Variants in POU6F2 observed in about 807,000 individuals in gnomAD.
The protein encoded by POU6F2 is POU class 6 homeobox 2, also known as POU domain, class 6, transcription factor 2.
POU6F2 carries 31 observed loss-of-function variants against 71.3 expected under a neutral mutation model. The observed-to-expected ratio is 0.43, with a 90% confidence interval of 0.33 to 0.59. POU6F2 has a LOEUF of 0.59. POU6F2 is among the 20% of genes least tolerant of loss of function. The pLI is 0.04. For synonymous variants in POU6F2, 347 were observed against 355.7 expected, an observed-to-expected ratio of 0.98 and a Z score of 0.27; for missense variants, 783 against 856.8, an observed-to-expected ratio of 0.91 and a Z score of 1.07.
intron 2 of POU6F2, among the ~76,000 whole-genome samples, chr7:39,191,345 T>C (rs949497598): frequency 6.6e-6 from 1 of 152,180 alleles, no homozygotes; most frequent in Non-Finnish European, 1.5e-5. Flanking sequence ...ATTGGATACT[T>C]TTTTTTATTA....
intron 1 of POU6F2, among the ~76,000 whole-genome samples, chr7:39,041,805 G>C (rs1002746053): frequency 1.3e-5 from 2 of 151,818 alleles, no homozygotes; most frequent in Non-Finnish European, 2.9e-5. Flanking sequence ...GACATTATTA[G>C]ATGATATCTT....
chr7:39,188,048 A>G (rs1793582359), intron 2 of POU6F2, among the ~76,000 whole-genome samples: 1 of 152,192 alleles, frequency 6.6e-6, no homozygotes, highest in African/African-American at 2.4e-5. Context: ...TTGTATGTCA[A>G]TGTCACTTGT....
chr7:39,346,691 G>T (rs1241034688), intron 5 of POU6F2, among the ~76,000 whole-genome samples: 1 of 152,306 alleles, frequency 6.6e-6, no homozygotes, highest in South Asian at 2.1e-4. Context: ...TATGCCGGCT[G>T]GCACTTTGCT....
intron 1 of POU6F2, among the ~76,000 whole-genome samples, chr7:39,068,417 T>C (rs1790804619): frequency 6.6e-6 from 1 of 151,716 alleles, no homozygotes; most frequent in Non-Finnish European, 1.5e-5. Context: ...AGCAGGATGC[T>C]AACTTGTACA....
chr7:39,234,381 G>A, intron 4 of POU6F2, among the ~76,000 whole-genome samples: 1 of 152,070 alleles, frequency 6.6e-6, no homozygotes, highest in South Asian at 2.1e-4. Flanking sequence ...CGGTAGACAT[G>A]GTGCCTCCTG....
At chr7:39,222,855 T>C (rs189368322) in intron 4 of POU6F2, among the ~76,000 whole-genome samples, 1 of 152,362 alleles carries the variant, frequency 6.6e-6, no homozygotes, top group Non-Finnish European at 1.5e-5. Flanking sequence ...GCTACAAACA[T>C]GGGTGTAGAA....
At chr7:39,105,909 T>C (rs1791674525) in intron 2 of POU6F2, among the ~76,000 whole-genome samples, 1 of 152,154 alleles carries the variant, frequency 6.6e-6, no homozygotes, top group Admixed American at 6.5e-5. Flanking sequence ...GATGCCAGCC[T>C]TCACACACAG....
chr7:39,016,115 A>C (rs1469255663), intron 1 of POU6F2, among the ~76,000 whole-genome samples: 1 of 115,704 alleles, frequency 8.6e-6, no homozygotes, highest in Non-Finnish European at 1.7e-5. Flanking sequence ...TCTATATTAT[A>C]TATTATATCT....
At chr7:38,979,687 G>A (rs1053403066) in intron 1 of POU6F2, among the ~76,000 whole-genome samples, 1 of 152,080 alleles carries the variant, frequency 6.6e-6, no homozygotes, top group Admixed American at 6.5e-5. Context: ...TACAATAGAT[G>A]ACTTTTGCAT....
At position 39,204,291 on chromosome 7, in the gene POU6F2, A is replaced by G. The variant is rs774668779; in HGVS notation, c.334A>G (p.Ser112Gly). The G allele has an allele frequency of 6.2e-7, 1 of 1,613,896 alleles. No individual in the cohort carries two copies. The highest frequency in any genetic ancestry group is 1.1e-5 in the South Asian group (1 of 91,064). The change falls in exon 3 of 10, where the codon AGT (serine) becomes GGT (glycine). Residue 112 changes from serine (S) to glycine (G), a missense_variant. Ser to Gly is a moderately conservative substitution (Grantham distance 56). This residue lies in a region of POU6F2 where 572 missense variants were observed against 572.9 expected (regional missense o/e 1.00). Transcript: ENST00000518318. ...AGGCACTCCTGACCAACACCAGGCC[A>G]GTCAGACCCACCCCCCATTTCCAGT... ...DPGTPDQHQA[S>G]QTHPPFPVGP...
At chr7:39,336,403 A>C (rs1370350447) in intron 4 of POU6F2, among the ~76,000 whole-genome samples, 2 of 152,170 alleles carry the variant, frequency 1.3e-5, no homozygotes, top group Admixed American at 6.5e-5. Flanking sequence ...AAATGTGGCC[A>C]AGGCTGTCTG....
chr7:39,007,221 T>C (rs1789099359), intron 1 of POU6F2, among the ~76,000 whole-genome samples: 2 of 152,248 alleles, frequency 1.3e-5, no homozygotes, highest in African/African-American at 4.8e-5. Context: ...TATTTGCTAT[T>C]TTTATATTTC....
intron 1 of POU6F2, among the ~76,000 whole-genome samples, chr7:39,042,994 C>T (rs747804411): frequency 2.0e-5 from 3 of 151,956 alleles, no homozygotes; most frequent in Non-Finnish European, 4.4e-5. Context: ...CAATTTGATC[C>T]TCACTGGGCA....
chr7:39,287,810 T>G (rs1270751432), intron 4 of POU6F2, among the ~76,000 whole-genome samples: 1 of 152,190 alleles, frequency 6.6e-6, no homozygotes, highest in Non-Finnish European at 1.5e-5. Context: ...AGAGCCTGCA[T>G]TTTCTCAAGA....
chr7:39,357,780 T>A (rs1786290606), intron 5 of POU6F2, among the ~76,000 whole-genome samples: 1 of 152,188 alleles, frequency 6.6e-6, no homozygotes, highest in South Asian at 2.1e-4. Flanking sequence ...AATGCCATGT[T>A]ATGAAAAGGT....
At chr7:39,265,994 G>A (rs1187122920) in intron 4 of POU6F2, among the ~76,000 whole-genome samples, 3 of 152,140 alleles carry the variant, frequency 2.0e-5, no homozygotes, top group African/African-American at 7.2e-5. Flanking sequence ...TAATTGCTAA[G>A]ATATCAATAA....
At chr7:39,358,948 TAAAGA>T (rs1786320189) in intron 5 of POU6F2, among the ~76,000 whole-genome samples, 1 of 150,312 alleles carries the variant, frequency 6.7e-6, no homozygotes, top group African/African-American at 2.4e-5. Flanking sequence ...GAACAGATAA[TAAAGA>T]AAAGTTAAAA....
rs77000448 is a variant in POU6F2, at chr7:39,117,755, A to G, written c.277+31724A>G. Among the ~76,000 whole-genome samples, 445 of 152,294 alleles carry G rather than the reference A, an allele frequency of 2.9e-3. 3 individuals carry two copies. Among genetic ancestry groups the G allele is most frequent in the African/African-American group, 0.01 (417 of 41,562 alleles). On this transcript the variant is annotated intron_variant, in intron 2 of 9. Transcript: ENST00000518318. ...AAGTAAGAGGACTGGTTGAAAACCT[A>G]TAAAAAGCAGTCAGAGCATGAAGAT...
At chr7:39,440,896 ATGT>A (rs375974903) in intron 7 of POU6F2, among the ~76,000 whole-genome samples, 38 of 129,486 alleles carry the variant, frequency 2.9e-4, no homozygotes, top group East Asian at 1.9e-3. Context: ...GATGATGATG[ATGT>A]TGTTGTTGTT....
Sources: allele counts gnomAD v4.1 joint callset (sites outside exome capture counted in the v4.1 genomes callset), GRCh38; gene constraint gnomAD v4.1.1; regional missense constraint gnomAD v4.1.1; transcripts MANE v1.5; gene names NCBI Gene and HGNC (gene_info 2026-07-23, HGNC 2026-07-21).